KIF23: variants seen among roughly 807,000 people sequenced by gnomAD.
The protein encoded by KIF23 is kinesin-like protein KIF23.
A neutral mutation model predicts 137.5 loss-of-function variants in KIF23; 30 were observed. The observed-to-expected ratio is 0.22, with a 90% confidence interval of 0.16 to 0.30. KIF23 has a LOEUF of 0.30. KIF23 is among the 10% of genes least tolerant of loss of function. The pLI, the probability that KIF23 is intolerant of heterozygous loss-of-function variation, is 1.00. For missense variants in KIF23, 920 were observed against 1,194.3 expected, an observed-to-expected ratio of 0.77 and a Z score of 3.38; for synonymous variants, 367 against 391.1, an observed-to-expected ratio of 0.94 and a Z score of 0.73.
chr15:69,440,690 C>A, intron 18 of KIF23, 78 bp from the exon 19 acceptor site: 2 of 1,273,722 alleles, frequency 1.6e-6, no homozygotes, highest in South Asian at 1.5e-5. Flanking sequence ...TCTTCATGTG[C>A]TAACATTATA....
At position 69,438,334 on chromosome 15, in the gene KIF23, GAGA is replaced by G. The variant is rs1415390045; in HGVS notation, c.1688_1690del (p.Lys563del). ...CATGCAAGGGAAACTAAATGAAAAG[GAGA>G]AGATGATCTCAGGACAGAAATTGGA... is the stretch of plus-strand genomic sequence containing the variant. On this transcript the variant is annotated inframe_deletion, in exon 16 of 24. Coordinates refer to ENST00000679126, the MANE Select transcript of KIF23 (RefSeq NM_001367805.3). 6.2e-7 allele frequency: 1 copy of G among 1,613,290 alleles called. No homozygotes were observed. Among genetic ancestry groups the G allele is most frequent in the Admixed American group, 1.7e-5 (1 of 59,912 alleles).
rs1402486873 is a variant in KIF23, at chr15:69,440,152, G to T, written c.1929+75G>T. On this transcript the variant is annotated intron_variant, in intron 17 of 23. Coordinates refer to ENST00000679126, the MANE Select transcript of KIF23 (RefSeq NM_001367805.3). ...ACATTGTAGTTAGGTTCGATATTTT[G>T]AATTATTGTATTTGCGGTAGGGTTT... 5.2e-6 allele frequency: 8 copies of T among 1,530,976 alleles called. 1 individual carries two copies. The highest frequency in any genetic ancestry group is 4.5e-5 in the East Asian group (2 of 44,182). The allele number at this position is 1,530,976 out of a possible 1,614,324, so 94.8% of individuals were successfully genotyped here. A position where few individuals can be genotyped will look rare whatever the true frequency, so the allele number is the denominator to read the frequency against.
At chr15:69,430,664 T>G (rs1465734407) in intron 11 of KIF23, among the ~76,000 whole-genome samples, 1 of 152,082 alleles carries the variant, frequency 6.6e-6, no homozygotes, top group Non-Finnish European at 1.5e-5. Context: ...GTAGCTGAAG[T>G]AGAGGATGTA....
intron 3 of KIF23, among the ~76,000 whole-genome samples, chr15:69,420,964 A>G (rs1244146608): frequency 6.6e-6 from 1 of 152,242 alleles, no homozygotes; most frequent in Non-Finnish European, 1.5e-5. Context: ...AGGAAACAGT[A>G]AAGTTGTGTA....
chr15:69,439,712 G>T (rs2057568060), intron 16 of KIF23, among the ~76,000 whole-genome samples, 192 bp from the exon 17 acceptor site: 1 of 152,126 alleles, frequency 6.6e-6, no homozygotes, highest in Admixed American at 6.6e-5. Context: ...TTTGGGTGAG[G>T]AGCTTGTTTA....
chr15:69,416,849 G>T (rs2056924316), intron 2 of KIF23, among the ~76,000 whole-genome samples: 1 of 152,154 alleles, frequency 6.6e-6, no homozygotes, highest in African/African-American at 2.4e-5. Flanking sequence ...CAGCTACTCG[G>T]GAGGCTGAGG....
rs914300360 is a variant in KIF23 at position 69,439,321 on chromosome 15, T to C, written c.1756-583T>C. Reference sequence around the variant, plus strand: ...AATATTTCCTTAGTATGCTTTTTTTTTTTAATGAGATAAATGATTAAATGA... The same window carrying C: ...AATATTTCCTTAGTATGCTTTTTTTCTTTAATGAGATAAATGATTAAATGA... On this transcript the variant is annotated intron_variant, in intron 16 of 23. Coordinates refer to ENST00000679126, the MANE Select transcript of KIF23 (RefSeq NM_001367805.3). Among the ~76,000 whole-genome samples, 35 of 152,276 alleles carry C rather than the reference T, an allele frequency of 2.3e-4. 1 individual carries two copies. The highest frequency in any genetic ancestry group is 7.2e-4 in the African/African-American group (30 of 41,544).
chr15:69,421,548 A>G, intron 3 of KIF23, 99 bp from the exon 4 acceptor site: 1 of 728,702 alleles, frequency 1.4e-6, no homozygotes, highest in South Asian at 1.9e-5. Flanking sequence ...TTGCATGCTT[A>G]GATCTTAAAT....
intron 8 of KIF23, 40 bp downstream of exon 8, chr15:69,425,363 G>A: frequency 6.7e-7 from 1 of 1,499,784 alleles, no homozygotes; most frequent in Non-Finnish European, 9.0e-7. Flanking sequence ...GGAGAAGGGT[G>A]CAGTTATACT....
Position 69,447,785 on chromosome 15 carries a change from G to A in KIF23, c.2910-7G>A. ...TTCAACTCTAAGTGCTGGTTGTTAT[G>A]TTTTAGGCGCAAAAAGCCATGAACT... is the stretch of plus-strand genomic sequence containing the variant. On this transcript the variant is annotated splice_region_variant and splice_polypyrimidine_tract_variant and intron_variant, in intron 23 of 23. Coordinates refer to ENST00000679126, the MANE Select transcript of KIF23 (RefSeq NM_001367805.3). 2 of 1,602,920 alleles carry A rather than the reference G, an allele frequency of 1.2e-6. No homozygotes were observed. The highest frequency in any genetic ancestry group is 1.1e-5 in the South Asian group (1 of 89,270).
chr15:69,433,060 G>A (rs747580316), intron 11 of KIF23, among the ~76,000 whole-genome samples: 37 of 152,160 alleles, frequency 2.4e-4, no homozygotes, highest in Non-Finnish European at 5.1e-4. Flanking sequence ...TGACCACTAG[G>A]GAAAGCTATC....
At chr15:69,430,784 C>T (rs1158342526) in intron 11 of KIF23, among the ~76,000 whole-genome samples, 2 of 152,060 alleles carry the variant, frequency 1.3e-5, no homozygotes, top group African/African-American at 4.8e-5. Context: ...ATGTTAGCTG[C>T]CAACTATTAA....
chr15:69,440,849 T>C lies in KIF23; in HGVS notation c.2191T>C (p.Cys731Arg). 2 of 1,614,056 alleles carry C rather than the reference T, an allele frequency of 1.2e-6. No individual in the cohort carries two copies. The highest frequency in any genetic ancestry group is 1.7e-6 in the Non-Finnish European group (2 of 1,180,032). Residue 731 changes from cysteine to arginine, a missense_variant, in exon 19 of 24, where the codon TGC becomes CGC. Cys to Arg is a radical substitution (Grantham distance 180). This residue lies in a region of KIF23 where 714 missense variants were observed against 866.2 expected (regional missense o/e 0.82). Transcript: ENST00000679126. ...ACAGCTACATAGGCGCTCTAACTCT[T>C]GCAGCAGCATTTCTGTAGCTTCCTG... The part of the protein sequence containing the change: ...QPQLHRRSNS[C>R]SSISVASCIS...
chr15:69,418,904 G>A (rs989736917), intron 3 of KIF23, among the ~76,000 whole-genome samples: 1 of 152,114 alleles, frequency 6.6e-6, no homozygotes, highest in Non-Finnish European at 1.5e-5. Context: ...ATCACCTGAG[G>A]TCAGGAGTTC....
At chr15:69,438,955 A>G (rs982748758) in intron 16 of KIF23, among the ~76,000 whole-genome samples, 2 of 151,416 alleles carry the variant, frequency 1.3e-5, no homozygotes, top group African/African-American at 4.9e-5. Context: ...AAAATTAGCC[A>G]GGCATGGTGG....
intron 1 of KIF23, 136 bp downstream of exon 1, chr15:69,414,612 C>A (rs2056842476): frequency 2.0e-6 from 2 of 1,011,334 alleles, no homozygotes; most frequent in East Asian, 3.3e-5. Context: ...CTGCTGCGGC[C>A]GCGACCCCAA....
chr15:69,423,385 C>T, intron 7 of KIF23, 56 bp downstream of exon 7: 2 of 1,208,798 alleles, frequency 1.7e-6, no homozygotes, highest in Non-Finnish European at 2.3e-6. Flanking sequence ...GTTACTTTGC[C>T]TCAAGGAGTT....
chr15:69,426,443 GACA>G lies in KIF23; in HGVS notation c.999_1001del (p.Asn334del). 6.2e-7 allele frequency: 1 copy of G among 1,614,132 alleles called. No individual in the cohort carries two copies. Among genetic ancestry groups the G allele is most frequent in the Non-Finnish European group, 8.5e-7 (1 of 1,179,988 alleles). ...TCAGGCTCCCTTGGATGCAGATGGA[GACA>G]ATGTCTTACAGGTAAAGTTGTAGTA... On this transcript the variant is annotated inframe_deletion, in exon 10 of 24. Coordinates refer to ENST00000679126, the MANE Select transcript of KIF23 (RefSeq NM_001367805.3).
chr15:69,418,454 T>C (rs1213791511), intron 3 of KIF23, among the ~76,000 whole-genome samples: 1 of 152,186 alleles, frequency 6.6e-6, no homozygotes, highest in Non-Finnish European at 1.5e-5. Flanking sequence ...CTTCCTCCCT[T>C]GTTTTCTTCT....
Sources: gnomAD v4.1 joint callset for allele counts (sites outside exome capture counted in the v4.1 genomes callset) on GRCh38, gnomAD v4.1.1 for gene constraint, gnomAD v4.1.1 regional missense constraint, MANE v1.5 for transcripts, NCBI Gene and HGNC (gene_info 2026-07-23, HGNC 2026-07-21) for gene names.